The following FHAD1 variants were observed in gnomAD, a reference collection of about 807,000 sequenced individuals.
FHAD1 encodes the protein forkhead associated phosphopeptide binding domain 1.
In FHAD1, 146 loss-of-function variants were observed where a neutral mutation model predicts 191.3. The ratio of observed to expected loss-of-function variants is 0.76; its 90% confidence interval spans 0.67 to 0.88. The LOEUF is 0.88. Ranked by LOEUF, FHAD1 falls within the 40% of genes least tolerant of loss-of-function variation. The pLI, the probability that FHAD1 is intolerant of heterozygous loss-of-function variation, is 0.00. For missense variants in FHAD1, 1,635 were observed against 1,785.8 expected (o/e 0.92, Z 1.52); for synonymous variants, 616 against 672.3 (o/e 0.92, Z 1.29).
rs1383426120 is a variant in FHAD1 at position 15,380,797 on chromosome 1, G to A, written c.3801+1G>A. Reference sequence around the variant, plus strand: ...GGCTTTAGAGCTCAGTGAAAAGCTGGTATGTACATCCAGCATCCACCCTGC... The same window carrying A: ...GGCTTTAGAGCTCAGTGAAAAGCTGATATGTACATCCAGCATCCACCCTGC... On this transcript the variant is annotated splice_donor_variant, in intron 29 of 33. Transcript: ENST00000688493. LOFTEE classifies it high-confidence loss of function. 1.3e-6 allele frequency: 2 copies of A among 1,551,212 alleles called. No individual in the cohort carries two copies. The highest frequency in any genetic ancestry group is 1.7e-6 in the Non-Finnish European group (2 of 1,146,734).
chr1:15,267,521 G>A (rs574401175), intron 2 of FHAD1, among the ~76,000 whole-genome samples: 1 of 152,174 alleles, frequency 6.6e-6, no homozygotes, highest in African/African-American at 2.4e-5. Flanking sequence ...AGATTGTAGG[G>A]AGCTGGTATC....
At position 15,397,251 on chromosome 1, in the gene FHAD1, T is replaced by A; in HGVS notation, c.4324-46T>A. The A allele has an allele frequency of 3.4e-6, 3 of 879,256 alleles. 1 individual carries two copies. Among genetic ancestry groups the A allele is most frequent in the Non-Finnish European group, 5.2e-6 (3 of 579,144 alleles). 54.5% of individuals were successfully genotyped at this position (879,256 alleles called of 1,614,324 possible). ...AACCACTTGAGTGGAACAATTGGAGTCTTGCTGCAATGGAGTTTGTGTGTT... is the reference window on the plus strand; with the variant it reads ...AACCACTTGAGTGGAACAATTGGAGACTTGCTGCAATGGAGTTTGTGTGTT... On this transcript the variant is annotated intron_variant, in intron 33 of 33. Coordinates refer to ENST00000688493, the MANE Select transcript of FHAD1 (RefSeq NM_001391957.1).
At chr1:15,353,503 G>A (rs1042809636) in intron 20 of FHAD1, among the ~76,000 whole-genome samples, 1 of 151,946 alleles carries the variant, frequency 6.6e-6, no homozygotes, top group Non-Finnish European at 1.5e-5. Flanking sequence ...TCAAGAGTTC[G>A]AGACCAGCCT....
At chr1:15,362,833 C>G in intron 23 of FHAD1, 107 bp downstream of exon 23, 1 of 834,780 alleles carries the variant, frequency 1.2e-6, no homozygotes, top group Non-Finnish European at 2.0e-6. Context: ...AGAAGCCAAA[C>G]AAGGAGCCGG....
At chr1:15,374,801 C>T (rs562066034) in intron 27 of FHAD1, among the ~76,000 whole-genome samples, 170 bp downstream of exon 27, 54 of 151,802 alleles carry the variant, frequency 3.6e-4, no homozygotes, top group Middle Eastern at 3.4e-3. Context: ...CAAGTGCAGG[C>T]CTTGATATTA....
chr1:15,286,665 A>G (rs1217776325), intron 3 of FHAD1, among the ~76,000 whole-genome samples: 1 of 152,202 alleles, frequency 6.6e-6, no homozygotes, highest in East Asian at 1.9e-4. Flanking sequence ...ACCCCTGGCC[A>G]ATCACTATGG....
Position 15,312,997 on chromosome 1 carries a change from G to A in FHAD1, c.1040-60G>A, listed in dbSNP as rs1357991365. ...GGCTCGTCACAAACTGGTTGACAGCGGCAGCGATGACAGTCATCCTCACTG... is the reference window on the plus strand; with the variant it reads ...GGCTCGTCACAAACTGGTTGACAGCAGCAGCGATGACAGTCATCCTCACTG... On this transcript the variant is annotated intron_variant, in intron 7 of 33. Coordinates refer to ENST00000688493, the MANE Select transcript of FHAD1 (RefSeq NM_001391957.1). This position sits in a 1 kb window ranked among gnomAD's most constrained non-coding sequence, Gnocchi z 4.7. The A allele has an allele frequency of 1.1e-5, 17 of 1,539,114 alleles. No individual in the cohort carries two copies. The highest frequency in any genetic ancestry group is 7.3e-5 in the South Asian group (6 of 82,314).
chr1:15,305,627 A>C, intron 6 of FHAD1: 1 of 228,694 alleles, frequency 4.4e-6, no homozygotes, highest in South Asian at 4.4e-5. Context: ...GGGACCCAGC[A>C]GGAGGTAATT....
intron 3 of FHAD1, among the ~76,000 whole-genome samples, chr1:15,277,934 G>T (rs374028020): frequency 5.9e-4 from 90 of 152,186 alleles, no homozygotes; most frequent in African/African-American, 2.1e-3. Context: ...TTTAGTTCTC[G>T]CAAAGTAAGA....
At chr1:15,255,120 T>TAAAAAAAAAAAAAAAAA (rs55969718) in intron 2 of FHAD1, among the ~76,000 whole-genome samples, 2 of 147,764 alleles carry the variant, frequency 1.4e-5, no homozygotes, top group Admixed American at 1.4e-4. Context: ...TCAGGAATCT[T>TAAAAAAAAAAAAAAAAA]AAAAAAGTCA....
intron 4 of FHAD1, among the ~76,000 whole-genome samples, chr1:15,295,719 A>G (rs1172704184): frequency 6.6e-6 from 1 of 152,228 alleles, no homozygotes; most frequent in Admixed American, 6.5e-5. Context: ...ACCCACACAT[A>G]TGGGGGGCCA....
intron 6 of FHAD1, among the ~76,000 whole-genome samples, chr1:15,304,892 T>TA (rs1669930251): frequency 1.3e-5 from 2 of 151,916 alleles, no homozygotes; most frequent in Admixed American, 1.3e-4. Context: ...GGACAGACAC[T>TA]AAAAACAGAC....
intron 20 of FHAD1, among the ~76,000 whole-genome samples, chr1:15,357,348 A>G (rs565852039): frequency 2.2e-4 from 33 of 152,344 alleles, no homozygotes; most frequent in African/African-American, 7.9e-4. Context: ...GAATGGGGCC[A>G]GGCGCGTTGG....
intron 26 of FHAD1, among the ~76,000 whole-genome samples, chr1:15,371,280 C>G (rs1698012619): frequency 1.3e-5 from 2 of 152,206 alleles, no homozygotes; most frequent in South Asian, 4.1e-4. Context: ...GGACTCTGTG[C>G]ACGTCTGTTG....
intron 1 of FHAD1, among the ~76,000 whole-genome samples, chr1:15,250,190 G>A (rs1646609227): frequency 6.6e-6 from 1 of 152,194 alleles, no homozygotes; most frequent in South Asian, 2.1e-4. Context: ...AGAGACTGTT[G>A]TTGTTCTTTG....
intron 5 of FHAD1, 92 bp downstream of exon 5, chr1:15,296,885 C>G (rs553285966): frequency 3.2e-4 from 316 of 981,854 alleles, no homozygotes; most frequent in Non-Finnish European, 4.1e-4. Flanking sequence ...CCCAGGAGTG[C>G]CCTTATCCTG....
Position 15,289,095 on chromosome 1 carries a change from C to T in FHAD1, c.301-304C>T, listed in dbSNP as rs1663561229. 6.6e-6 allele frequency among the ~76,000 whole-genome samples: 1 copy of T among 152,212 alleles called. No homozygotes were observed. The highest frequency in any genetic ancestry group is 6.5e-5 in the Admixed American group (1 of 15,282). On this transcript the variant is annotated intron_variant, in intron 3 of 33. Coordinates refer to ENST00000688493, the MANE Select transcript of FHAD1 (RefSeq NM_001391957.1). The surrounding 1 kb of genome is among the most constrained non-coding windows in gnomAD (Gnocchi z 4.2). ...TACTTCCTAGGCTCAGGTGATCCTC[C>T]CACCTCAGCCTCTCAAGTAGCTGGG...
At chr1:15,249,855 T>G (rs1646558106) in intron 1 of FHAD1, among the ~76,000 whole-genome samples, 2 of 151,936 alleles carry the variant, frequency 1.3e-5, no homozygotes, top group South Asian at 2.1e-4. Flanking sequence ...TTGAGCTGCC[T>G]GAGGATTATG....
chr1:15,382,235 T>G, intron 31 of FHAD1, 42 bp downstream of exon 31: 1 of 1,539,624 alleles, frequency 6.5e-7, no homozygotes, highest in Non-Finnish European at 8.8e-7. Flanking sequence ...CAGGCTGCCC[T>G]GCAGCTCCCA....
Sources: allele counts gnomAD v4.1 joint callset (sites outside exome capture counted in the v4.1 genomes callset), GRCh38; gene constraint gnomAD v4.1.1; non-coding constraint Gnocchi (gnomAD v3.1); transcripts MANE v1.5; gene names NCBI Gene and HGNC (gene_info 2026-07-23, HGNC 2026-07-21).